The following ERAP2 variants were observed in gnomAD, a reference collection of about 807,000 sequenced individuals.
ERAP2 encodes leukocyte-derived arginine aminopeptidase.
ERAP2 carries 118 observed loss-of-function variants against 111.1 expected under a neutral mutation model. The ratio of observed to expected loss-of-function variants is 1.06; its 90% confidence interval spans 0.92 to 1.24. The LOEUF is 1.24. Ranked by LOEUF, ERAP2 falls within the 50% of genes most tolerant of loss-of-function variation. The pLI, the probability that ERAP2 is intolerant of heterozygous loss-of-function variation, is 0.00. For missense variants in ERAP2, 1,131 were observed against 1,125.8 expected (o/e 1.00, Z -0.07); for synonymous variants, 410 against 401.2 (o/e 1.02, Z -0.26).
At chr5:96,889,644 A>C (rs1784121941) in intron 5 of ERAP2, among the ~76,000 whole-genome samples, 1 of 152,130 alleles carries the variant, frequency 6.6e-6, no homozygotes, top group South Asian at 2.1e-4. Context: ...AAAAAGAAGG[A>C]ACACAGTGAC....
rs1786417261 is a variant in ERAP2, at chr5:96,909,082, A to G, written c.2134A>G (p.Arg712Gly). Reference protein sequence around the residue: ...YLESFYHMMDRRNISDISENL... With the variant: ...YLESFYHMMDGRNISDISENL... ...GGAATCGTTTTACCACATGATGGAC[A>G]GAAGGAATATTTCAGATATCTCTGA... The change falls in exon 14 of 19, where the codon AGA (arginine) becomes GGA (glycine). Residue 712 changes from arginine to glycine, a missense_variant. Coordinates refer to ENST00000437043, the MANE Select transcript of ERAP2 (RefSeq NM_022350.5). 1 of 1,614,148 alleles carries G rather than the reference A, an allele frequency of 6.2e-7. No homozygotes were observed.
At position 96,903,543 on chromosome 5, in the gene ERAP2, T is replaced by A. The variant is rs141724228; in HGVS notation, c.1995T>A (p.Asp665Glu). 3 of 1,605,172 alleles carry A rather than the reference T, an allele frequency of 1.9e-6. No homozygotes were observed. The highest frequency in any genetic ancestry group is 2.5e-6 in the Non-Finnish European group (3 of 1,177,330). The change falls in exon 13 of 19, where the codon GAT (aspartate) becomes GAA (glutamate). Residue 665 changes from aspartate to glutamate, a missense_variant. This residue lies in a region of ERAP2 where 847 missense variants were observed against 856.5 expected (regional missense o/e 0.99). Transcript: ENST00000437043. ...RPKDRVGLIH[D>E]VFQLVGAGRL... The stretch of plus-strand genomic sequence containing the variant: ...AGGACAGAGTAGGTCTGATTCATGA[T>A]GTGTTTCAGCTAGTTGGGTAAGGCA...
At chr5:96,909,536 G>A in intron 14 of ERAP2, 44 bp from the exon 15 acceptor site, 1 of 1,506,190 alleles carries the variant, frequency 6.6e-7, no homozygotes, top group Non-Finnish European at 9.2e-7. Context: ...CTGTGTTAAG[G>A]ACTAAATTTA....
chr5:96,887,912 G>A (rs1046789284), intron 4 of ERAP2, among the ~76,000 whole-genome samples: 1 of 152,068 alleles, frequency 6.6e-6, no homozygotes, highest in African/African-American at 2.4e-5. Flanking sequence ...GATCGCCTGA[G>A]GTCAGGAGTT....
intron 4 of ERAP2, among the ~76,000 whole-genome samples, chr5:96,887,848 G>A (rs76241969): frequency 0.083 from 12,576 of 152,130 alleles, 670 homozygotes; most frequent in Non-Finnish European, 0.11. Flanking sequence ...GGCATAGGCC[G>A]GGCACAGTGG....
intron 1 of ERAP2, 72 bp from the exon 2 acceptor site, chr5:96,879,492 T>C (rs1782918464): frequency 1.8e-6 from 1 of 548,974 alleles, no homozygotes; most frequent in Non-Finnish European, 3.2e-6. Context: ...ACATACCTTT[T>C]TACATGTTTA....
At chr5:96,914,052 TCTAAAA>T (rs1787102227) in intron 17 of ERAP2, among the ~76,000 whole-genome samples, 1 of 152,072 alleles carries the variant, frequency 6.6e-6, no homozygotes, top group African/African-American at 2.4e-5. Flanking sequence ...TGTTCCTGGA[TCTAAAA>T]TATCCCTCAG....
intron 12 of ERAP2, 119 bp from the exon 13 acceptor site, chr5:96,903,258 C>A: frequency 2.7e-6 from 2 of 745,262 alleles, no homozygotes; most frequent in Non-Finnish European, 4.2e-6. Context: ...CATTATGACT[C>A]TCCCCAAACT....
chr5:96,915,590 A>G (rs1349639464), intron 17 of ERAP2, 98 bp from the exon 18 acceptor site: 3 of 564,756 alleles, frequency 5.3e-6, no homozygotes, highest in Non-Finnish European at 8.6e-6. Context: ...CAAGCTTATC[A>G]CATAGTTATT....
chr5:96,894,555 C>T (rs1784676164), intron 6 of ERAP2, among the ~76,000 whole-genome samples: 1 of 152,010 alleles, frequency 6.6e-6, no homozygotes, highest in Non-Finnish European at 1.5e-5. Context: ...CATAAAAGCA[C>T]ATAAAAGAAT....
At position 96,896,356 on chromosome 5, in the gene ERAP2, T is replaced by A; in HGVS notation, c.1240-17T>A. 1 of 1,594,374 alleles carries A rather than the reference T, an allele frequency of 6.3e-7. No homozygotes were observed. The highest frequency in any genetic ancestry group is 2.2e-5 in the East Asian group (1 of 44,636). On this transcript the variant is annotated splice_polypyrimidine_tract_variant and intron_variant, in intron 7 of 18. Coordinates refer to ENST00000437043, the MANE Select transcript of ERAP2 (RefSeq NM_022350.5). ...GTCAAATAGAAACTAAAACTAAACA[T>A]TTTTCTCCCTGTTTAGGATGACTAT...
At chr5:96,891,517 GC>G (rs1561371963) in intron 5 of ERAP2, among the ~76,000 whole-genome samples, 3 of 136,856 alleles carry the variant, frequency 2.2e-5, no homozygotes, top group Non-Finnish European at 3.1e-5. Context: ...ATATATATAT[GC>G]CCATATACGG....
At chr5:96,892,018 A>G (rs1375246719) in intron 5 of ERAP2, among the ~76,000 whole-genome samples, 1 of 152,198 alleles carries the variant, frequency 6.6e-6, no homozygotes, top group Non-Finnish European at 1.5e-5. Context: ...TAAGGCACCC[A>G]AAATATTTTC....
In ERAP2 at chr5:96,879,750, T is replaced by G. The variant is rs758198425; in HGVS notation, c.65T>G (p.Phe22Cys). The change falls in exon 2 of 19, where the codon TTT becomes TGT. Residue 22 changes from phenylalanine to cysteine, a missense_variant. By Grantham distance (205) the Phe-to-Cys change is radical. Around this residue, in one of 3 missense-constraint regions of ERAP2, gnomAD observed 847 missense variants for 856.5 expected, o/e 0.99. Coordinates refer to ENST00000437043, the MANE Select transcript of ERAP2 (RefSeq NM_022350.5). Reference sequence around the variant, plus strand: ...CCAATGTTTAACATTCACAGAGGATTTTACTGCTTAACAGCCATCTTGCCC... The same window carrying G: ...CCAATGTTTAACATTCACAGAGGATGTTACTGCTTAACAGCCATCTTGCCC... ...RKPMFNIHRG[F>C]YCLTAILPQI... The G allele has an allele frequency of 9.9e-6, 16 of 1,614,096 alleles. No homozygotes were observed. Among genetic ancestry groups the G allele is most frequent in the Non-Finnish European group, 1.2e-5 (14 of 1,180,030 alleles).
At chr5:96,906,448 G>A (rs1257436925) in intron 13 of ERAP2, among the ~76,000 whole-genome samples, 9 of 152,030 alleles carry the variant, frequency 5.9e-5, no homozygotes. Flanking sequence ...TAAATTTTTT[G>A]GCAGAGATGG....
chr5:96,904,572 A>G (rs562904796), intron 13 of ERAP2, among the ~76,000 whole-genome samples: 1 of 152,318 alleles, frequency 6.6e-6, no homozygotes, highest in East Asian at 1.9e-4. Flanking sequence ...CAAAATTAGG[A>G]AAAACACCAT....
intron 1 of ERAP2, among the ~76,000 whole-genome samples, 195 bp from the exon 2 acceptor site, chr5:96,879,368 TG>T (rs1016957780): frequency 6.6e-6 from 1 of 152,232 alleles, no homozygotes; most frequent in Non-Finnish European, 1.5e-5. Flanking sequence ...TAGGGTTTTT[TG>T]GGGGAGTCCT....
chr5:96,907,210 A>G (rs903591199), intron 13 of ERAP2, among the ~76,000 whole-genome samples: 9 of 152,242 alleles, frequency 5.9e-5, no homozygotes, highest in African/African-American at 1.7e-4. Context: ...AAACATTCAG[A>G]TAACATTCTA....
At chr5:96,886,525 C>A in intron 3 of ERAP2, 130 bp from the exon 4 acceptor site, 1 of 607,086 alleles carries the variant, frequency 1.6e-6, no homozygotes, top group Non-Finnish European at 2.5e-6. Context: ...GAGGCCATTG[C>A]CCCCCTAGGA....
Sources: allele counts gnomAD v4.1 joint callset (sites outside exome capture counted in the v4.1 genomes callset), GRCh38; gene constraint gnomAD v4.1.1; regional missense constraint gnomAD v4.1.1; transcripts MANE v1.5; gene names NCBI Gene and HGNC (gene_info 2026-07-23, HGNC 2026-07-21).